The following ALMS1 variants were observed in gnomAD, a reference collection of about 807,000 sequenced individuals.
ALMS1 encodes the protein centrosome-associated protein ALMS1.
A neutral mutation model predicts 352.2 loss-of-function variants in ALMS1; 271 were observed. The ratio of observed to expected loss-of-function variants is 0.77; its 90% CI spans 0.70 to 0.85. ALMS1 has a LOEUF of 0.85. Ranked by LOEUF, ALMS1 falls within the 40% of genes least tolerant of loss-of-function variation. The pLI, the probability that ALMS1 is intolerant of heterozygous loss-of-function variation, is 0.00. For synonymous variants in ALMS1, 1,865 were observed against 1,761.2 expected (o/e 1.06, Z -1.48); for missense variants, 5,445 against 4,870.7 (o/e 1.12, Z -3.51).
At position 73,600,961 on chromosome 2, in the gene ALMS1, A is replaced by G. The variant is rs976499723; in HGVS notation, c.11872+80A>G. The G allele has an allele frequency of 2.4e-5, 36 of 1,509,284 alleles. No individual in the cohort carries two copies. In the Admixed American group the frequency reaches 4.6e-4, roughly 19 times the overall value. The allele number at this position is 1,509,284 out of a possible 1,614,324, so 93.5% of individuals were successfully genotyped here. A position where few individuals can be genotyped will look rare whatever the true frequency, so the allele number is the denominator to read the frequency against. ...CTGCGATGCTGACTCTGTGTTTCCAAGTGACTCTATGTGGTCCCCACCTAC... is the reference window on the plus strand; with the variant it reads ...CTGCGATGCTGACTCTGTGTTTCCAGGTGACTCTATGTGGTCCCCACCTAC... On this transcript the variant is annotated intron_variant, in intron 18 of 22. Transcript: ENST00000613296.
rs748624161 is a variant in ALMS1 at position 73,602,345 on chromosome 2, G to T, written c.12275G>T (p.Arg4092Leu). Residue 4092 changes from arginine (R) to leucine (L), a missense_variant, in exon 20 of 23, where the codon CGC becomes CTC. Physicochemically the swap from Arg to Leu is moderately radical, Grantham distance 102 (BLOSUM62 -2). Transcript: ENST00000613296. Reference protein sequence around the residue: ...IDRERQGHQNRMCPLPKRVFL... With the variant: ...IDRERQGHQNLMCPLPKRVFL... ...AGGGAACGGCAGGGCCACCAGAATC[G>T]CATGTGCCCGCTGCCCAAGAGAGGT... is the stretch of plus-strand genomic sequence containing the variant. 6 of 1,614,140 alleles carry T rather than the reference G, an allele frequency of 3.7e-6. No homozygotes were observed. The highest frequency in any genetic ancestry group is 2.2e-5 in the East Asian group (1 of 44,884).
chr2:73,471,771 T>C (rs1487926518), intron 9 of ALMS1, among the ~76,000 whole-genome samples: 1 of 151,964 alleles, frequency 6.6e-6, no homozygotes, highest in Admixed American at 6.6e-5. Context: ...TAGATGGTCA[T>C]GTAAAATGGT....
Position 73,601,218 on chromosome 2 carries a change from G to A in ALMS1, c.11896G>A (p.Glu3966Lys). The A allele has an allele frequency of 6.2e-7, 1 of 1,614,182 alleles. No homozygotes were observed. Among genetic ancestry groups the A allele is most frequent in the Non-Finnish European group, 8.5e-7 (1 of 1,180,020 alleles). The change falls in exon 19 of 23, where the codon GAA (glutamate) becomes AAA (lysine). Residue 3966 changes from glutamate (E) to lysine (K), a missense_variant. Coordinates refer to ENST00000613296, the MANE Select transcript of ALMS1 (RefSeq NM_001378454.1). ...HEGVSWFVPV[E>K]NVESRSKKEN... ...AGGAGTTTCCTGGTTTGTTCCTGTGGAAAATGTGGAGTCTAGATCAAAGAA... is the reference window on the plus strand; with the variant it reads ...AGGAGTTTCCTGGTTTGTTCCTGTGAAAAATGTGGAGTCTAGATCAAAGAA...
At chr2:73,575,411 C>T (rs575016219) in intron 16 of ALMS1, among the ~76,000 whole-genome samples, 6 of 152,254 alleles carry the variant, frequency 3.9e-5, no homozygotes, top group South Asian at 4.1e-4. Flanking sequence ...TTTTCCACAG[C>T]GACTGCTTTA....
rs1186924810 is a variant in ALMS1 at position 73,478,607 on chromosome 2, A to AT, written c.7675-11022dup. ...TTGCCCAAATAAAATTTTTACATCT[A>AT]TTTTTATCAGCTAATGACGAATATT... On this transcript the variant is annotated intron_variant, in intron 9 of 22. Transcript: ENST00000613296. Among the ~76,000 whole-genome samples, 27 of 133,934 alleles carry AT rather than the reference A, an allele frequency of 2.0e-4. No homozygotes were observed. The East Asian group carries it at 6.1e-3, about 30-fold the overall frequency. 87.9% of individuals were successfully genotyped at this position (133,934 alleles called of 152,430 possible).
chr2:73,483,547 C>T (rs1383852219), intron 9 of ALMS1, among the ~76,000 whole-genome samples: 1 of 151,540 alleles, frequency 6.6e-6, no homozygotes, highest in Non-Finnish European at 1.5e-5. Context: ...AATGTATATT[C>T]TGTTGATTTG....
At position 73,600,664 on chromosome 2, in the gene ALMS1, A is replaced by G. The variant is rs768036112; in HGVS notation, c.11669-14A>G. On this transcript the variant is annotated splice_polypyrimidine_tract_variant and intron_variant, in intron 17 of 22. Coordinates refer to ENST00000613296, the MANE Select transcript of ALMS1 (RefSeq NM_001378454.1). ...AAGGTTACTCCCAGAGACACCTATG[A>G]TCCTTCCCCTCAGGTAACTTGGAGA... The G allele has an allele frequency of 1.2e-6, 2 of 1,609,982 alleles. No homozygotes were observed. The highest frequency in any genetic ancestry group is 4.5e-5 in the East Asian group (2 of 44,850).
chr2:73,533,760 T>C (rs1200301478), intron 11 of ALMS1, among the ~76,000 whole-genome samples: 1 of 152,200 alleles, frequency 6.6e-6, no homozygotes, highest in Non-Finnish European at 1.5e-5. Flanking sequence ...ATTTTTAAAA[T>C]GAGATTCCAT....
chr2:73,521,946 G>A (rs1379575849), intron 11 of ALMS1, among the ~76,000 whole-genome samples: 1 of 151,626 alleles, frequency 6.6e-6, no homozygotes, highest in Non-Finnish European at 1.5e-5. Context: ...TTTGTTTTTT[G>A]TACAAAACAT....
rs896912554 is a variant in ALMS1 at position 73,400,071 on chromosome 2, G to T, written c.325-8551G>T. Among the ~76,000 whole-genome samples the T allele has an allele frequency of 3.3e-5, 5 of 151,436 alleles. No homozygotes were observed. The South Asian group carries it at 1.0e-3, about 32-fold the overall frequency. ...TCCTACTTCACCCTCCTGAGTAACT[G>T]GGACCACAGGCATGTGCCACCATAC... On this transcript the variant is annotated intron_variant, in intron 1 of 22. Transcript: ENST00000613296.
chr2:73,419,306 T>C lies in ALMS1; in HGVS notation c.634T>C (p.Ser212Pro). The change falls in exon 3 of 23, where the codon TCT (serine) becomes CCT (proline). Residue 212 changes from serine (S) to proline (P), a missense_variant. Transcript: ENST00000613296. ...VKEPNRDLFC[S>P]PLLVIQDSFA... is the part of the protein sequence containing the mutation. ...GGAACCCAACAGAGATCTCTTCTGTTCTCCACTGCTAGGTAATGCCTGTTT... is the reference window on the plus strand; with the variant it reads ...GGAACCCAACAGAGATCTCTTCTGTCCTCCACTGCTAGGTAATGCCTGTTT... The C allele has an allele frequency of 6.2e-7, 1 of 1,613,884 alleles. No individual in the cohort carries two copies. The highest frequency in any genetic ancestry group is 8.5e-7 in the Non-Finnish European group (1 of 1,179,790).
intron 7 of ALMS1, among the ~76,000 whole-genome samples, chr2:73,438,000 T>G (rs1572923600): frequency 6.6e-6 from 1 of 152,212 alleles, no homozygotes; most frequent in East Asian, 1.9e-4. Flanking sequence ...CTCCTATGGT[T>G]CCTGTTTACT....
At chr2:73,422,794 A>C in intron 3 of ALMS1, 63 bp from the exon 4 acceptor site, 1 of 1,323,014 alleles carries the variant, frequency 7.6e-7, no homozygotes, top group Middle Eastern at 1.8e-4. Flanking sequence ...TTAAAGTATT[A>C]TATACGTAAG....
chr2:73,464,149 G>C (rs1273402309), intron 9 of ALMS1, among the ~76,000 whole-genome samples: 3 of 152,048 alleles, frequency 2.0e-5, no homozygotes, highest in African/African-American at 7.3e-5. Flanking sequence ...CCAAAAAAGA[G>C]AATTTTAGAC....
At chr2:73,402,123 A>T (rs1005565210) in intron 1 of ALMS1, among the ~76,000 whole-genome samples, 2 of 151,942 alleles carry the variant, frequency 1.3e-5, no homozygotes, top group Admixed American at 6.6e-5. Context: ...GTTCGTGGCT[A>T]TTGTGATAAT....
At chr2:73,396,338 A>ACACG (rs1670761181) in intron 1 of ALMS1, among the ~76,000 whole-genome samples, 1 of 150,854 alleles carries the variant, frequency 6.6e-6, no homozygotes, top group Admixed American at 6.6e-5. Flanking sequence ...ACACACACAC[A>ACACG]CGCTTGTATT....
At chr2:73,390,392 A>C (rs1217927422) in intron 1 of ALMS1, among the ~76,000 whole-genome samples, 1 of 152,244 alleles carries the variant, frequency 6.6e-6, no homozygotes, top group Non-Finnish European at 1.5e-5. Context: ...TTTACTCTCA[A>C]GTTAAATGAC....
chr2:73,409,119 C>T (rs987054712), intron 2 of ALMS1, among the ~76,000 whole-genome samples: 1 of 151,958 alleles, frequency 6.6e-6, no homozygotes, highest in Admixed American at 6.6e-5. Flanking sequence ...TCAAATGATC[C>T]TTCGCCTTGG....
intron 15 of ALMS1, among the ~76,000 whole-genome samples, chr2:73,569,768 A>G (rs1393485735): frequency 6.6e-6 from 1 of 152,204 alleles, no homozygotes; most frequent in Non-Finnish European, 1.5e-5. Context: ...ATGCTATTTG[A>G]TGAAGCAGGG....
Sources: allele counts gnomAD v4.1 joint callset (sites outside exome capture counted in the v4.1 genomes callset), GRCh38; gene constraint gnomAD v4.1.1; transcripts MANE v1.5; gene names NCBI Gene and HGNC (gene_info 2026-07-23, HGNC 2026-07-21).